Variants in UBTD1 observed in about 807,000 individuals in gnomAD.
The protein encoded by UBTD1 is ubiquitin domain-containing protein 1.
UBTD1 carries 19 observed loss-of-function variants against 21.7 expected under a neutral mutation model. The ratio of observed to expected loss-of-function variants is 0.87; its 90% CI spans 0.61 to 1.28. The LOEUF (loss-of-function observed/expected upper bound fraction) is 1.28, where lower values mean the gene tolerates loss of function less well. Among genes scored for constraint, UBTD1 ranks in the 50% most tolerant of loss-of-function variants. The probability of loss-of-function intolerance (pLI) is 0.00; values close to 1 mark genes in which losing one functional copy is unlikely to be tolerated. For missense variants in UBTD1, 282 were observed against 315.1 expected, an observed-to-expected ratio of 0.89 and a Z score of 0.80; for synonymous variants, 116 against 135.1, an observed-to-expected ratio of 0.86 and a Z score of 0.98.
intron 1 of UBTD1, among the ~76,000 whole-genome samples, chr10:97,510,776 G>C (rs1373015651): frequency 1.3e-5 from 2 of 152,176 alleles, no homozygotes; most frequent in Non-Finnish European, 2.9e-5. Context: ...CAAGTTGCAA[G>C]ATAGTGTCAT....
In UBTD1 at chr10:97,555,657, G is replaced by A. The variant is rs574085586; in HGVS notation, c.71-12257G>A. On this transcript the variant is annotated intron_variant, in intron 1 of 2. Transcript: ENST00000370664. Reference sequence around the variant, plus strand: ...GGTTGTGATTGATTTGAGCAAGCAGGTGGTACGTGACGGGCTGCATGCACC... The same window carrying A: ...GGTTGTGATTGATTTGAGCAAGCAGATGGTACGTGACGGGCTGCATGCACC... 1.3e-4 allele frequency among the ~76,000 whole-genome samples: 3 copies of A among 22,904 alleles called. No individual in the cohort carries two copies. In the East Asian group the frequency reaches 0.015, roughly 117 times the overall value. The allele number at this position is 22,904 out of a possible 152,430, so 15.0% of individuals were successfully genotyped here.
At chr10:97,566,113 C>T (rs2040715829) in intron 1 of UBTD1, among the ~76,000 whole-genome samples, 1 of 152,102 alleles carries the variant, frequency 6.6e-6, no homozygotes. Context: ...AAAAAATCTC[C>T]TTGGTCATTC....
chr10:97,532,127 G>A (rs1316329900), intron 1 of UBTD1, among the ~76,000 whole-genome samples: 3 of 152,302 alleles, frequency 2.0e-5, no homozygotes, highest in East Asian at 1.9e-4. Context: ...TAGATAGTGG[G>A]GGGCTGACTG....
chr10:97,507,265 A>T (rs955714295), intron 1 of UBTD1, among the ~76,000 whole-genome samples: 1 of 152,114 alleles, frequency 6.6e-6, no homozygotes, highest in Non-Finnish European at 1.5e-5. Flanking sequence ...GTGGTTTATC[A>T]TGTAGTGATC....
chr10:97,545,089 C>T (rs2040602855), intron 1 of UBTD1, among the ~76,000 whole-genome samples: 1 of 151,694 alleles, frequency 6.6e-6, no homozygotes, highest in African/African-American at 2.4e-5. Flanking sequence ...AATTCTAGCA[C>T]TTTGGGAGGC....
intron 1 of UBTD1, among the ~76,000 whole-genome samples, chr10:97,522,522 G>C (rs1429189795): frequency 6.6e-6 from 1 of 152,214 alleles, no homozygotes; most frequent in East Asian, 1.9e-4. Context: ...GAGTGGTGAA[G>C]ATCGGAGACA....
intron 1 of UBTD1, among the ~76,000 whole-genome samples, chr10:97,524,007 T>C (rs911152824): frequency 1.6e-4 from 25 of 152,140 alleles, no homozygotes; most frequent in African/African-American, 6.0e-4. Context: ...TTTGTGTGCA[T>C]TTGGTTTTGT....
intron 1 of UBTD1, among the ~76,000 whole-genome samples, chr10:97,552,497 G>A (rs1486387975): frequency 6.9e-6 from 1 of 143,888 alleles, no homozygotes; most frequent in Admixed American, 7.6e-5. Context: ...CTCAGTTCAA[G>A]CAATTCTCCT....
At position 97,570,587 on chromosome 10, in the gene UBTD1, C is replaced by A. The variant is rs2040742827; in HGVS notation, c.*64C>A. On this transcript the variant is annotated 3_prime_UTR_variant, in exon 3 of 3. Transcript: ENST00000370664. This position sits in a 1 kb window ranked among gnomAD's most constrained non-coding sequence, Gnocchi z 6.6. ...CACTAGGCCCCCACCCTGCTGCTGC[C>A]TTCCAGTGCTGTCATTTTCTTCAGG... The A allele has an allele frequency of 6.6e-7, 1 of 1,518,124 alleles. No individual in the cohort carries two copies. Among genetic ancestry groups the A allele is most frequent in the East Asian group, 2.3e-5 (1 of 43,904 alleles). 94.0% of individuals were successfully genotyped at this position (1,518,124 alleles called of 1,614,324 possible). A position where few individuals can be genotyped will look rare whatever the true frequency, so the allele number is the denominator to read the frequency against.
chr10:97,547,466 G>A (rs945544410), intron 1 of UBTD1, among the ~76,000 whole-genome samples: 14 of 152,256 alleles, frequency 9.2e-5, no homozygotes, highest in African/African-American at 3.4e-4. Context: ...CATCCATCAA[G>A]CCCACTCTCT....
chr10:97,501,906 C>G (rs1208468752), intron 1 of UBTD1, among the ~76,000 whole-genome samples: 1 of 152,208 alleles, frequency 6.6e-6, no homozygotes, highest in Non-Finnish European at 1.5e-5. Flanking sequence ...ATTGCTCCTT[C>G]TGAGAACTCC....
At chr10:97,561,275 T>A (rs1452696937) in intron 1 of UBTD1, among the ~76,000 whole-genome samples, 1 of 152,124 alleles carries the variant, frequency 6.6e-6, no homozygotes, top group African/African-American at 2.4e-5. Context: ...TCTGAGGGGC[T>A]GCCTCAGCCG....
At chr10:97,550,795 A>G (rs1437202087) in intron 1 of UBTD1, among the ~76,000 whole-genome samples, 2 of 152,110 alleles carry the variant, frequency 1.3e-5, no homozygotes, top group African/African-American at 2.4e-5. Context: ...GGCAACTTGG[A>G]GAGGACCTTA....
chr10:97,554,082 C>T (rs1227218204), intron 1 of UBTD1, among the ~76,000 whole-genome samples: 5 of 152,096 alleles, frequency 3.3e-5, no homozygotes, highest in Non-Finnish European at 7.4e-5. Context: ...AAGGGGCCAC[C>T]ATGGAGCTGT....
chr10:97,535,529 C>T lies in UBTD1; in HGVS notation c.71-32385C>T, dbSNP rs368651013. Among the ~76,000 whole-genome samples the T allele has an allele frequency of 1.4e-4, 22 of 152,086 alleles. 1 individual carries two copies. The highest frequency in any genetic ancestry group is 1.1e-3 in the Admixed American group (17 of 15,266). ...ACTCTGGAGGCTGAGGCAGGAGAAT[C>T]GCTTGAACCCAGGAGGCGGAGGTTG... is the stretch of plus-strand genomic sequence containing the variant. On this transcript the variant is annotated intron_variant, in intron 1 of 2. Coordinates refer to ENST00000370664, the MANE Select transcript of UBTD1 (RefSeq NM_024954.5).
intron 1 of UBTD1, among the ~76,000 whole-genome samples, chr10:97,543,433 A>G (rs969319749): frequency 2.0e-5 from 3 of 152,216 alleles, no homozygotes; most frequent in Non-Finnish European, 2.9e-5. Context: ...GCCATGCCAC[A>G]TGAAGGAGCG....
chr10:97,512,151 T>C (rs1364833323), intron 1 of UBTD1, among the ~76,000 whole-genome samples: 1 of 152,088 alleles, frequency 6.6e-6, no homozygotes, highest in East Asian at 1.9e-4. Flanking sequence ...GTTTCTGTGG[T>C]TGGTTTTTAT....
Position 97,499,179 on chromosome 10 carries a change from C to T in UBTD1, c.-25C>T. 1 of 1,528,632 alleles carries T rather than the reference C, an allele frequency of 6.5e-7. No individual in the cohort carries two copies. The highest frequency in any genetic ancestry group is 8.8e-7 in the Non-Finnish European group (1 of 1,136,652). 94.7% of individuals were successfully genotyped at this position (1,528,632 alleles called of 1,614,324 possible). ...GCCGACCACCCCGCCGCCTCCGGTG[C>T]ATGGGGACTGGCTGAGGAGCCAGCA... On this transcript the variant is annotated 5_prime_UTR_variant, in exon 1 of 3. Transcript: ENST00000370664.
chr10:97,552,996 A>G (rs1212570005), intron 1 of UBTD1, among the ~76,000 whole-genome samples: 1 of 152,256 alleles, frequency 6.6e-6, no homozygotes, highest in Non-Finnish European at 1.5e-5. Context: ...ATTAGAACCA[A>G]ATAGGTGAGC....
Sources: allele counts gnomAD v4.1 joint callset (sites outside exome capture counted in the v4.1 genomes callset), GRCh38; gene constraint gnomAD v4.1.1; non-coding constraint Gnocchi (gnomAD v3.1); transcripts MANE v1.5; gene names NCBI Gene and HGNC (gene_info 2026-07-23, HGNC 2026-07-21).